The following POSTN variants were observed in gnomAD, a reference collection of about 807,000 sequenced individuals.
The protein encoded by POSTN is osteoblast specific factor 2 (fasciclin I-like).
In POSTN, 71 loss-of-function variants were observed where a neutral mutation model predicts 104.5. The ratio of observed to expected loss-of-function variants is 0.68; its 90% CI spans 0.56 to 0.83. The LOEUF (loss-of-function observed/expected upper bound fraction) is 0.83, where lower values mean the gene tolerates loss of function less well. Among genes scored for constraint, POSTN ranks in the 40% least tolerant of loss-of-function variants. The probability of loss-of-function intolerance (pLI) is 0.00; values close to 1 mark genes in which losing one functional copy is unlikely to be tolerated. For synonymous variants in POSTN, 355 were observed against 340.7 expected (o/e 1.04, Z -0.46); for missense variants, 949 against 1,006.8 (o/e 0.94, Z 0.78).
At chr13:37,564,206 A>AT (rs1950018507) in intron 22 of POSTN, among the ~76,000 whole-genome samples, 1 of 125,910 alleles carries the variant, frequency 7.9e-6, no homozygotes, top group Non-Finnish European at 1.6e-5. Flanking sequence ...ATATATATAT[A>AT]TATATATATA....
chr13:37,578,418 C>A (rs1430294911), intron 15 of POSTN, among the ~76,000 whole-genome samples: 5 of 152,074 alleles, frequency 3.3e-5, no homozygotes, highest in Admixed American at 3.3e-4. Flanking sequence ...TAATCCAAGC[C>A]CAGTACATAC....
intron 5 of POSTN, 60 bp from the exon 6 acceptor site, chr13:37,586,988 C>A (rs1950766621): frequency 2.0e-6 from 3 of 1,490,016 alleles, no homozygotes; most frequent in Non-Finnish European, 2.8e-6. Flanking sequence ...ACCACTGAGA[C>A]TGCAAGCCCA....
At chr13:37,587,765 T>C in intron 5 of POSTN, 57 bp downstream of exon 5, 2 of 1,293,226 alleles carry the variant, frequency 1.5e-6, no homozygotes, top group East Asian at 2.4e-5. Context: ...ATAAAAAGTA[T>C]AGACAAAATT....
Position 37,582,500 on chromosome 13 carries a change from T to C in POSTN, c.1258A>G (p.Met420Val). The C allele has an allele frequency of 6.2e-7, 1 of 1,602,630 alleles. No individual in the cohort carries two copies. Among genetic ancestry groups the C allele is most frequent in the Non-Finnish European group, 8.5e-7 (1 of 1,176,684 alleles). The change falls in exon 10 of 23, where the codon ATG becomes GTG. Residue 420 changes from methionine (M) to valine (V), a missense_variant. Coordinates refer to ENST00000379747, the MANE Select transcript of POSTN (RefSeq NM_006475.3). ...NNAFSDDTLSMDQRLLKLILQ... is the reference protein window; with the variant it reads ...NNAFSDDTLSVDQRLLKLILQ... ...ATTAATTTAAGGAGGCGCTGATCCA[T>C]GCTGAGAGTATCATCTGTAAATAAA...
chr13:37,570,314 T>C (rs1472515236), intron 19 of POSTN, among the ~76,000 whole-genome samples: 1 of 151,816 alleles, frequency 6.6e-6, no homozygotes, highest in Non-Finnish European at 1.5e-5. Flanking sequence ...GAAAATGGAA[T>C]ATCATATCAA....
At chr13:37,568,684 TC>T (rs1950180290) in intron 21 of POSTN, 1 of 142,984 alleles carries the variant, frequency 7.0e-6, no homozygotes, top group Non-Finnish European at 1.6e-5. Context: ...GATTTTGAAT[TC>T]TTTTTTTTTT....
At chr13:37,585,212 A>T (rs929423900) in intron 7 of POSTN, among the ~76,000 whole-genome samples, 1 of 152,206 alleles carries the variant, frequency 6.6e-6, no homozygotes, top group African/African-American at 2.4e-5. Context: ...TATCATAAAA[A>T]AGTAACTCCT....
In POSTN at chr13:37,597,219, C is replaced by T; in HGVS notation, c.183G>A (p.Lys61=). ...CACAGATGGACTTTTTATACCAGTT[C>T]TTACAAGTGCTGAAGTATTTCTTTT... is the stretch of plus-strand genomic sequence containing the variant. ...GTKKKYFSTC[K]NWYKKSICGQ... Residue 61 remains lysine (K), a synonymous_variant, in exon 2 of 23, where the codon AAG becomes AAA. Transcript: ENST00000379747. The T allele has an allele frequency of 6.3e-7, 1 of 1,579,934 alleles. No individual in the cohort carries two copies. The highest frequency in any genetic ancestry group is 1.9e-5 in the Admixed American group (1 of 52,162).
At chr13:37,577,110 T>G (rs1432051733) in intron 16 of POSTN, among the ~76,000 whole-genome samples, 3 of 152,132 alleles carry the variant, frequency 2.0e-5, no homozygotes, top group Admixed American at 1.3e-4. Context: ...AAAGCCATGA[T>G]GGAAAAGATA....
In POSTN at chr13:37,592,180, A is replaced by T. The variant is rs1315086592; in HGVS notation, c.219-16T>A. On this transcript the variant is annotated splice_polypyrimidine_tract_variant and intron_variant, in intron 2 of 22. Transcript: ENST00000379747. ...TAACACAGTCCTGTACATAGGAAGA[A>T]AATTAATATTAAAATGAGAAACTAA... 2 of 1,425,556 alleles carry T rather than the reference A, an allele frequency of 1.4e-6. No homozygotes were observed. Among genetic ancestry groups the T allele is most frequent in the South Asian group, 1.3e-5 (1 of 77,136 alleles). The allele number at this position is 1,425,556 out of a possible 1,614,324, so 88.3% of individuals were successfully genotyped here.
chr13:37,568,579 T>C (rs955867889), intron 21 of POSTN: 1 of 151,960 alleles, frequency 6.6e-6, no homozygotes, highest in African/African-American at 2.4e-5. Flanking sequence ...TGTTAAAAAA[T>C]GAAGTAGAAA....
Position 37,564,621 on chromosome 13 carries a change from A to G in POSTN, c.2432-61T>C, listed in dbSNP as rs1293798396. On this transcript the variant is annotated intron_variant, in intron 21 of 22. Transcript: ENST00000379747. ...AATTATGGCTAAAATCAGACAGGAG[A>G]CCATGGTTAAACAGAACAGTGTAAA... The G allele has an allele frequency of 3.7e-5, 36 of 960,166 alleles. No homozygotes were observed. The Admixed American group carries it at 6.3e-4, about 17-fold the overall frequency. The allele number at this position is 960,166 out of a possible 1,614,324, so 59.5% of individuals were successfully genotyped here.
At chr13:37,571,675 C>T in intron 17 of POSTN, 1 of 451,298 alleles carries the variant, frequency 2.2e-6, no homozygotes, top group Non-Finnish European at 3.9e-6. Context: ...ACTAAAATTA[C>T]TTTCATCTGC....
Position 37,586,909 on chromosome 13 carries a change from G to A in POSTN, c.626C>T (p.Ala209Val). Residue 209 changes from alanine to valine, a missense_variant, in exon 6 of 23, where the codon GCT becomes GTT. Transcript: ENST00000379747. ...AATCTGGTTCCCATGGATGATTCGA[G>A]CACAATTAACAGTGACAACCTATAA... is the stretch of plus-strand genomic sequence containing the variant. ...YPNGVVTVNC[A>V]RIIHGNQIAT... 6.2e-7 allele frequency: 1 copy of A among 1,613,196 alleles called. No individual in the cohort carries two copies. Among genetic ancestry groups the A allele is most frequent in the Admixed American group, 1.7e-5 (1 of 59,906 alleles).
intron 5 of POSTN, among the ~76,000 whole-genome samples, chr13:37,587,501 AG>A (rs1309147669): frequency 6.6e-6 from 1 of 152,182 alleles, no homozygotes; most frequent in Non-Finnish European, 1.5e-5. Flanking sequence ...GGGGAGTAAA[AG>A]AACACTCATT....
At chr13:37,587,027 T>C in intron 5 of POSTN, 99 bp from the exon 6 acceptor site, 1 of 1,013,650 alleles carries the variant, frequency 9.9e-7, no homozygotes, top group Non-Finnish European at 1.5e-6. Flanking sequence ...TACTAGTAAA[T>C]GTAACATACA....
intron 16 of POSTN, among the ~76,000 whole-genome samples, chr13:37,575,910 C>T (rs907403689): frequency 6.6e-5 from 10 of 152,036 alleles, no homozygotes; most frequent in African/African-American, 1.2e-4. Context: ...CCATGAAAGT[C>T]GAATACGAAT....
rs1566027120 is a variant in POSTN at position 37,584,926 on chromosome 13, G to C, written c.898C>G (p.Leu300Val). 2 of 1,613,438 alleles carry C rather than the reference G, an allele frequency of 1.2e-6. No individual in the cohort carries two copies. Among genetic ancestry groups the C allele is most frequent in the Non-Finnish European group, 1.7e-6 (2 of 1,179,816 alleles). The part of the protein sequence containing the change: ...IMGDKVASEA[L>V]MKYHILNTLQ... ...GTATTTAAGATGTGGTACTTCATAA[G>C]AGCTGGAGAACACAATAAAAACAGG... Residue 300 changes from leucine to valine, a missense_variant and splice_region_variant, in exon 8 of 23, where the codon CTT (leucine) becomes GTT (valine). Transcript: ENST00000379747.
At chr13:37,584,241 T>C (rs1417730042) in intron 8 of POSTN, 138 bp from the exon 9 acceptor site, 4 of 1,057,272 alleles carry the variant, frequency 3.8e-6, no homozygotes, top group Non-Finnish European at 2.7e-6. Flanking sequence ...GACATCCTCC[T>C]CCTCCCTAAT....
Sources: allele counts gnomAD v4.1 joint callset (sites outside exome capture counted in the v4.1 genomes callset), GRCh38; gene constraint gnomAD v4.1.1; transcripts MANE v1.5; gene names NCBI Gene and HGNC (gene_info 2026-07-23, HGNC 2026-07-21).